The following G6PD variants were observed in gnomAD, a reference collection of about 807,000 sequenced individuals.
G6PD encodes glucose-6-phosphate 1-dehydrogenase.
In G6PD, 2 loss-of-function variants were observed where a neutral mutation model predicts 38.2. The observed-to-expected ratio is 0.05, with a 90% confidence interval of 0.02 to 0.16. G6PD has a LOEUF of 0.16. Among genes scored for constraint, G6PD ranks in the 10% least tolerant of loss-of-function variants. The pLI is 1.00. For synonymous variants in G6PD, 188 were observed against 196.0 expected (o/e 0.96, Z 0.34); for missense variants, 310 against 471.6 (o/e 0.66, Z 3.17).
intron 2 of G6PD, among the ~76,000 whole-genome samples, chrX:154,544,453 C>T (rs1234919302): frequency 8.9e-6 from 1 of 112,590 alleles, no homozygotes; most frequent in Non-Finnish European, 1.9e-5. Context: ...AGCCACTGCG[C>T]CCAGCCAATT....
At chrX:154,545,398 T>C (rs2070671861) in intron 2 of G6PD, among the ~76,000 whole-genome samples, 1 of 111,912 alleles carries the variant, frequency 8.9e-6, no homozygotes, top group African/African-American at 3.2e-5. Context: ...TTGGAACTCA[T>C]TTGTTAAGGC....
intron 2 of G6PD, among the ~76,000 whole-genome samples, chrX:154,544,814 G>A (rs1206671104): frequency 8.9e-6 from 1 of 112,243 alleles, no homozygotes; most frequent in African/African-American, 3.2e-5. Context: ...AAGTACAAAG[G>A]TGTCAAGGAG....
Position 154,534,108 on chromosome X carries a change from C to T in G6PD, c.697G>A (p.Val233Ile), listed in dbSNP as rs781948754. Residue 233 changes from valine (V) to isoleucine (I), a missense_variant, in exon 7 of 13, where the codon GTT becomes ATT. By Grantham distance (29) the Val-to-Ile change is conservative. Around this residue, in one of 4 missense-constraint regions of G6PD, gnomAD observed 168 missense variants for 309.2 expected, o/e 0.54. Coordinates refer to ENST00000393562, the MANE Select transcript of G6PD (RefSeq NM_001360016.2). ...AAGGGCTCCTTGAAGGTGAGGATAA[C>T]GCAGGCGATGTTGTCCCGGTTCCAG... ...PIWNRDNIACVILTFKEPFGT... is the reference protein window; with the variant it reads ...PIWNRDNIACIILTFKEPFGT... 16 of 1,210,299 alleles carry T rather than the reference C, an allele frequency of 1.3e-5. No individual in the cohort carries two copies. In the African/African-American group the frequency reaches 1.6e-4, roughly 12 times the overall value.
rs782606162 is a variant in G6PD at position 154,541,636 on chromosome X, T to C, written c.120+4400A>G. Reference sequence around the variant, plus strand: ...TGGGTGGGGGCAATTCAAGGGGTCCTTAGTGAAAAGCAGTTGGGAGCTTCT... The same window carrying C: ...TGGGTGGGGGCAATTCAAGGGGTCCCTAGTGAAAAGCAGTTGGGAGCTTCT... On this transcript the variant is annotated intron_variant, in intron 2 of 12. Coordinates refer to ENST00000393562, the MANE Select transcript of G6PD (RefSeq NM_001360016.2). Among the ~76,000 whole-genome samples, 4 of 111,724 alleles carry C rather than the reference T, an allele frequency of 3.6e-5. No homozygotes were observed. In the South Asian group the frequency reaches 1.5e-3, roughly 42 times the overall value.
chrX:154,533,943 G>T (rs1166573397), intron 7 of G6PD, 92 bp downstream of exon 7: 114 of 1,201,805 alleles, frequency 9.5e-5, no homozygotes, highest in Non-Finnish European at 1.2e-4. Context: ...AGGGTGAGGA[G>T]GAGCTCCCCC....
chrX:154,545,493 G>C (rs1373669399), intron 2 of G6PD, among the ~76,000 whole-genome samples: 2 of 111,485 alleles, frequency 1.8e-5, no homozygotes, highest in African/African-American at 6.5e-5. Context: ...TAAAGAGCCT[G>C]CAACTCCAGG....
At position 154,531,574 on chromosome X, in the gene G6PD, G is replaced by T; in HGVS notation, c.*426C>A. 4.9e-6 allele frequency: 1 copy of T among 206,125 alleles called. No individual in the cohort carries two copies. Among genetic ancestry groups the T allele is most frequent in the Non-Finnish European group, 9.0e-6 (1 of 111,078 alleles). 17.0% of individuals were successfully genotyped at this position (206,125 alleles called of 1,213,427 possible). On this transcript the variant is annotated 3_prime_UTR_variant, in exon 13 of 13. Transcript: ENST00000393562. ...TGCTGGTGACAAGGAATGTCAAGTGGCACTGAGGCTGGCGGGCAAGGCCAC... is the reference window on the plus strand; with the variant it reads ...TGCTGGTGACAAGGAATGTCAAGTGTCACTGAGGCTGGCGGGCAAGGCCAC...
Position 154,546,194 on chromosome X carries a change from G to A in G6PD, c.-8-31C>T, listed in dbSNP as rs781867923. On this transcript the variant is annotated intron_variant, in intron 1 of 12. Coordinates refer to ENST00000393562, the MANE Select transcript of G6PD (RefSeq NM_001360016.2). ...GGAAGAAAGGCTCGTTAACAAGGCAGAAGAACAGGAGAGCATTGAGAAGTT... is the reference window on the plus strand; with the variant it reads ...GGAAGAAAGGCTCGTTAACAAGGCAAAAGAACAGGAGAGCATTGAGAAGTT... The A allele has an allele frequency of 3.3e-6, 4 of 1,208,809 alleles. No homozygotes were observed. Among genetic ancestry groups the A allele is most frequent in the Non-Finnish European group, 4.5e-6 (4 of 894,891 alleles).
intron 2 of G6PD, among the ~76,000 whole-genome samples, chrX:154,545,130 CGATGGCTGTCCTA>C (rs1351944260): frequency 9.0e-6 from 1 of 111,311 alleles, no homozygotes; most frequent in African/African-American, 3.3e-5. Context: ...TAGTCTCGGG[CGATGGCTGTCCTA>C]GGACCACCCC....
rs781876202 is a variant in G6PD, at chrX:154,531,501, G to A, written c.*499C>T. 9 of 138,119 alleles carry A rather than the reference G, an allele frequency of 6.5e-5. No individual in the cohort carries two copies. The South Asian group carries it at 1.8e-3, about 27-fold the overall frequency. The allele number at this position is 138,119 out of a possible 1,213,427, so 11.4% of individuals were successfully genotyped here. A position where few individuals can be genotyped will look rare whatever the true frequency, so the allele number is the denominator to read the frequency against. ...CCTACGGGTGGCACGGGGTGGCCAT[G>A]GAGTGCAGAGTTGGTGGGACAGGGG... On this transcript the variant is annotated 3_prime_UTR_variant, in exon 13 of 13. Coordinates refer to ENST00000393562, the MANE Select transcript of G6PD (RefSeq NM_001360016.2).
In G6PD at chrX:154,546,130, C is replaced by T. The variant is rs2070706009; in HGVS notation, c.26G>A (p.Arg9Gln). The T allele has an allele frequency of 1.7e-6, 2 of 1,210,321 alleles. No individual in the cohort carries two copies. The highest frequency in any genetic ancestry group is 1.1e-6 in the Non-Finnish European group (1 of 895,256). ...CCGCAGGATCCCGCACACCTGGGTC[C>T]GGCTCAGGGCCACCTGCTCTGCCAT... Reference protein sequence around the residue: MAEQVALSRTQVCGILREE... With the variant: MAEQVALSQTQVCGILREE... Residue 9 changes from arginine to glutamine, a missense_variant, in exon 2 of 13, where the codon CGG becomes CAG. Physicochemically the swap from Arg to Gln is conservative, Grantham distance 43. Coordinates refer to ENST00000393562, the MANE Select transcript of G6PD (RefSeq NM_001360016.2).
intron 5 of G6PD, among the ~76,000 whole-genome samples, chrX:154,534,894 G>C (rs944767511): frequency 1.8e-5 from 2 of 112,299 alleles, no homozygotes; most frequent in Admixed American, 9.3e-5. Flanking sequence ...CAGAGGACAA[G>C]AGCCTCTGGC....
At position 154,531,847 on chromosome X, in the gene G6PD, GGTA is replaced by G. The variant is rs2070339041; in HGVS notation, c.*150_*152del. Reference sequence around the variant, plus strand: ...CAGCTGAGGAATGTAGCTGGGCTCGGGTAGTAGCAGCAGCGAGGGGCGGGCCAG... The same window carrying G: ...CAGCTGAGGAATGTAGCTGGGCTCGGGTAGCAGCAGCGAGGGGCGGGCCAG... On this transcript the variant is annotated 3_prime_UTR_variant, in exon 13 of 13. Coordinates refer to ENST00000393562, the MANE Select transcript of G6PD (RefSeq NM_001360016.2). The G allele has an allele frequency of 1.1e-6, 1 of 934,758 alleles. No individual in the cohort carries two copies. The allele number at this position is 934,758 out of a possible 1,213,427, so 77.0% of individuals were successfully genotyped here.
chrX:154,543,866 GTTA>G (rs2070601018), intron 2 of G6PD, among the ~76,000 whole-genome samples: 1 of 101,669 alleles, frequency 9.8e-6, no homozygotes, highest in Non-Finnish European at 2.0e-5. Context: ...ACTAATTTTT[GTTA>G]TTTTTTTTTT....
chrX:154,544,358 C>T (rs1397469777), intron 2 of G6PD, among the ~76,000 whole-genome samples: 2 of 110,755 alleles, frequency 1.8e-5, no homozygotes. Flanking sequence ...GATGGGGTTT[C>T]ACCATGTTGG....
At chrX:154,534,606 T>C (rs1475328853) in intron 5 of G6PD, 110 bp from the exon 6 acceptor site, 11 of 965,548 alleles carry the variant, frequency 1.1e-5, no homozygotes, top group African/African-American at 1.9e-5. Flanking sequence ...CAGAACCTCC[T>C]CGCCCCCGTG....
Position 154,535,955 on chromosome X carries a change from C to G in G6PD, c.249G>C (p.Gln83His). Residue 83 changes from glutamine (Q) to histidine (H), a missense_variant, in exon 4 of 13, where the codon CAG becomes CAC. Physicochemically the swap from Gln to His is conservative, Grantham distance 24 (BLOSUM62 0). This residue lies in a region of G6PD where 96 missense variants were observed against 93.3 expected (regional missense o/e 1.03). Transcript: ENST00000393562. ...CACCCACCTTGAAGAAGGGCTCACT[C>G]TGTTTGCGGATGTCAGCCACTGTGA... is the stretch of plus-strand genomic sequence containing the variant. ...SRLTVADIRK[Q>H]SEPFFKATPE... 1 of 1,210,837 alleles carries G rather than the reference C, an allele frequency of 8.3e-7. No individual in the cohort carries two copies. The highest frequency in any genetic ancestry group is 1.1e-6 in the Non-Finnish European group (1 of 894,541).
At chrX:154,544,235 C>A (rs781856005) in intron 2 of G6PD, among the ~76,000 whole-genome samples, 2 of 109,881 alleles carry the variant, frequency 1.8e-5, no homozygotes, top group African/African-American at 6.6e-5. Flanking sequence ...GATCTCAGCT[C>A]ACTGCAACCT....
At chrX:154,532,496 G>A (rs1557229625) in intron 10 of G6PD, 34 bp from the exon 11 acceptor site, 1 of 1,204,738 alleles carries the variant, frequency 8.3e-7, no homozygotes, top group African/African-American at 1.7e-5. Context: ...TGATGCCACT[G>A]CCTGCCACCA....
Sources: gnomAD v4.1 joint callset for allele counts (sites outside exome capture counted in the v4.1 genomes callset) on GRCh38, gnomAD v4.1.1 for gene constraint, gnomAD v4.1.1 regional missense constraint, MANE v1.5 for transcripts, NCBI Gene and HGNC (gene_info 2026-07-23, HGNC 2026-07-21) for gene names.